EZH2: variants seen among roughly 807,000 people sequenced by gnomAD.
EZH2 encodes histone-lysine N-methyltransferase EZH2.
Under a neutral mutation model 98.4 loss-of-function variants are expected in EZH2, and 18 were observed. The observed-to-expected ratio is 0.18, with a 90% CI of 0.13 to 0.27. The LOEUF (loss-of-function observed/expected upper bound fraction) is 0.27. Among genes scored for constraint, EZH2 ranks in the 10% least tolerant of loss-of-function variants. The pLI, the probability that EZH2 is intolerant of heterozygous loss-of-function variation, is 1.00. For missense variants in EZH2, 470 were observed against 935.1 expected, an observed-to-expected ratio of 0.50 and a Z score of 6.49; for synonymous variants, 338 against 312.3, an observed-to-expected ratio of 1.08 and a Z score of -0.87.
chr7:148,870,681 G>A (rs1819227740), intron 1 of EZH2, among the ~76,000 whole-genome samples: 1 of 150,364 alleles, frequency 6.7e-6, no homozygotes, highest in Admixed American at 6.6e-5. Flanking sequence ...AGGTGACAGA[G>A]TGGGACTCTG....
chr7:148,879,883 T>C (rs760724100), intron 1 of EZH2, among the ~76,000 whole-genome samples: 23 of 151,430 alleles, frequency 1.5e-4, no homozygotes, highest in African/African-American at 2.9e-4. Flanking sequence ...GGCAGGAGGA[T>C]TGCCTGGAGC....
intron 3 of EZH2, among the ~76,000 whole-genome samples, chr7:148,833,618 A>G (rs1810044441): frequency 6.6e-6 from 1 of 152,240 alleles, no homozygotes; most frequent in African/African-American, 2.4e-5. Flanking sequence ...ATCACAACAA[A>G]GTAAATTTAA....
In EZH2 at chr7:148,884,271, C is replaced by A. The variant is rs2129497352; in HGVS notation, c.-115G>T. 5.5e-6 allele frequency: 1 copy of A among 183,222 alleles called. No homozygotes were observed. The highest frequency in any genetic ancestry group is 9.1e-5 in the East Asian group (1 of 11,008). The allele number at this position is 183,222 out of a possible 1,614,324, so 11.3% of individuals were successfully genotyped here. ...TCTGAGTCCCACCGGGTGTCGGACGCGACCGGACCGAGCGCCAAACGCGGC... is the reference window on the plus strand; with the variant it reads ...TCTGAGTCCCACCGGGTGTCGGACGAGACCGGACCGAGCGCCAAACGCGGC... On this transcript the variant is annotated 5_prime_UTR_variant, in exon 1 of 20. Coordinates refer to ENST00000320356, the MANE Select transcript of EZH2 (RefSeq NM_004456.5).
At chr7:148,842,708 C>T (rs528592818) in intron 3 of EZH2, among the ~76,000 whole-genome samples, 1 of 151,804 alleles carries the variant, frequency 6.6e-6, no homozygotes, top group South Asian at 2.1e-4. Context: ...ATTCTATGAA[C>T]AATAATGCTT....
intron 1 of EZH2, among the ~76,000 whole-genome samples, chr7:148,870,491 T>C (rs1455586487): frequency 3.9e-5 from 6 of 152,088 alleles, no homozygotes; most frequent in Non-Finnish European, 7.4e-5. Flanking sequence ...CACTTGATCC[T>C]AGGAGTTCTA....
chr7:148,810,432 G>A lies in EZH2; in HGVS notation c.1948-18C>T, dbSNP rs1303509297. ...GAAATAATCTAAAAAGAAAGACACA[G>A]GAGAAAATTCTTTTGGATAAAGGTG... On this transcript the variant is annotated intron_variant, in intron 16 of 19. Transcript: ENST00000320356. 3 of 1,576,468 alleles carry A rather than the reference G, an allele frequency of 1.9e-6. No individual in the cohort carries two copies. The Admixed American group carries it at 5.0e-5, about 26-fold the overall frequency.
At chr7:148,857,579 A>C (rs911501723) in intron 1 of EZH2, among the ~76,000 whole-genome samples, 3 of 151,854 alleles carry the variant, frequency 2.0e-5, no homozygotes, top group Non-Finnish European at 2.9e-5. Context: ...GGTGAAACCC[A>C]GTCTCTACTA....
intron 1 of EZH2, among the ~76,000 whole-genome samples, chr7:148,856,935 T>G (rs1816919226): frequency 6.6e-6 from 1 of 152,150 alleles, no homozygotes; most frequent in African/African-American, 2.4e-5. Context: ...GAGCGTGAGC[T>G]AGATTCAATG....
chr7:148,856,723 C>G (rs553485702), intron 1 of EZH2, among the ~76,000 whole-genome samples: 1 of 151,918 alleles, frequency 6.6e-6, no homozygotes, highest in African/African-American at 2.4e-5. Context: ...CTCTCAGTGG[C>G]CAAAGCTGGA....
intron 1 of EZH2, among the ~76,000 whole-genome samples, chr7:148,866,548 A>G (rs1027993307): frequency 8.8e-5 from 9 of 101,928 alleles, no homozygotes; most frequent in South Asian, 3.2e-4. Flanking sequence ...GTATATACAT[A>G]TATATACATA....
At chr7:148,829,148 G>A (rs542257821) in intron 5 of EZH2, among the ~76,000 whole-genome samples, 19 of 152,276 alleles carry the variant, frequency 1.2e-4, no homozygotes, top group South Asian at 8.3e-4. Context: ...GGAACTGATT[G>A]TGGCTTTGGC....
At chr7:148,810,256 C>G (rs1045615502) in intron 17 of EZH2, 77 bp downstream of exon 17, 1 of 1,086,430 alleles carries the variant, frequency 9.2e-7, no homozygotes. Flanking sequence ...CCTCTACCCT[C>G]GTTTCTGAAC....
At chr7:148,828,951 AC>A (rs1423134074) in intron 5 of EZH2, 71 bp from the exon 6 acceptor site, 2 of 1,484,040 alleles carry the variant, frequency 1.3e-6, no homozygotes, top group Non-Finnish European at 1.8e-6. Context: ...TCCTTTTTCT[AC>A]TTGGACAAAA....
intron 1 of EZH2, among the ~76,000 whole-genome samples, chr7:148,854,318 C>G (rs1374581914): frequency 6.6e-6 from 1 of 151,948 alleles, no homozygotes; most frequent in Non-Finnish European, 1.5e-5. Flanking sequence ...CACCTGTAGT[C>G]CCAGCTACTC....
At chr7:148,827,771 G>A (rs1468739718) in intron 6 of EZH2, among the ~76,000 whole-genome samples, 1 of 152,170 alleles carries the variant, frequency 6.6e-6, no homozygotes, top group Non-Finnish European at 1.5e-5. Context: ...CTTCCCAATA[G>A]TGTAATCTTA....
At chr7:148,827,933 C>G (rs150878399) in intron 6 of EZH2, among the ~76,000 whole-genome samples, 1 of 152,114 alleles carries the variant, frequency 6.6e-6, no homozygotes, top group Admixed American at 6.5e-5. Flanking sequence ...CTGGCTAACA[C>G]GGTGAAACCC....
chr7:148,818,488 G>C (rs1174302941), intron 9 of EZH2, among the ~76,000 whole-genome samples: 1 of 152,158 alleles, frequency 6.6e-6, no homozygotes, highest in Non-Finnish European at 1.5e-5. Context: ...CTATTTAAAA[G>C]TGAATCTTTA....
chr7:148,813,320 T>C (rs896684678), intron 15 of EZH2, among the ~76,000 whole-genome samples: 6 of 116,344 alleles, frequency 5.2e-5, no homozygotes, highest in African/African-American at 2.2e-4. Flanking sequence ...AAAGAACTTA[T>C]CATCTGCCCT....
At chr7:148,810,865 C>A (rs546919069) in intron 16 of EZH2, among the ~76,000 whole-genome samples, 1 of 135,786 alleles carries the variant, frequency 7.4e-6, no homozygotes. Flanking sequence ...CATTGCACTC[C>A]GGCCTGGGCA....
Sources: gnomAD v4.1 joint callset for allele counts (sites outside exome capture counted in the v4.1 genomes callset) on GRCh38, gnomAD v4.1.1 for gene constraint, MANE v1.5 for transcripts, NCBI Gene and HGNC (gene_info 2026-07-23, HGNC 2026-07-21) for gene names.